The following LHCGR variants were observed in gnomAD, a reference collection of about 807,000 sequenced individuals.
LHCGR encodes the protein luteinizing hormone/choriogonadotropin receptor, also known as lutropin-choriogonadotropic hormone receptor.
LHCGR carries 55 observed loss-of-function variants against 60.7 expected under a neutral mutation model. That is an observed-to-expected ratio of 0.91 (90% CI 0.73 to 1.13). LHCGR has a LOEUF of 1.13. LHCGR is among the 50% of genes most tolerant of loss of function. The pLI, the probability that LHCGR is intolerant of heterozygous loss-of-function variation, is 0.00. For missense variants in LHCGR, 862 were observed against 836.0 expected, an observed-to-expected ratio of 1.03 and a Z score of -0.38; for synonymous variants, 337 against 316.5, an observed-to-expected ratio of 1.06 and a Z score of -0.69.
intron 6 of LHCGR, 42 bp downstream of exon 6, chr2:48,723,414 A>T (rs1386500562): frequency 7.4e-7 from 1 of 1,344,898 alleles, no homozygotes; most frequent in East Asian, 2.3e-5. Context: ...TGAGACTAGC[A>T]GGAGGCTGTA....
intron 8 of LHCGR, among the ~76,000 whole-genome samples, chr2:48,706,549 T>C (rs993778189): frequency 4.6e-5 from 7 of 152,250 alleles, no homozygotes; most frequent in African/African-American, 1.7e-4. Context: ...ATATGGTCTT[T>C]TAACATAGTC....
chr2:48,737,159 A>G lies in LHCGR; in HGVS notation c.162-5861T>C, dbSNP rs146425153. Among the ~76,000 whole-genome samples the G allele has an allele frequency of 4.6e-3, 702 of 152,328 alleles. 4 individuals carry two copies. Among genetic ancestry groups the G allele is most frequent in the African/African-American group, 0.016 (674 of 41,568 alleles). On this transcript the variant is annotated intron_variant, in intron 1 of 10. Transcript: ENST00000294954. ...TTCCTTCTGCCCAACACATGGCAGA[A>G]GTGAAGTGTTTTTATTCACTACCTT...
chr2:48,729,304 G>C (rs1320491087), intron 2 of LHCGR, 77 bp from the exon 3 acceptor site: 9 of 1,114,698 alleles, frequency 8.1e-6, no homozygotes, highest in Non-Finnish European at 1.2e-5. Context: ...TGAGCTATGT[G>C]TGTGACCCAA....
intron 8 of LHCGR, among the ~76,000 whole-genome samples, chr2:48,703,408 CT>C (rs1196378922): frequency 1.3e-5 from 2 of 152,118 alleles, no homozygotes; most frequent in African/African-American, 4.8e-5. Flanking sequence ...GTTTTTAGGT[CT>C]TACATTTAAG....
chr2:48,730,972 G>T (rs1445718989), intron 2 of LHCGR, among the ~76,000 whole-genome samples: 4 of 152,046 alleles, frequency 2.6e-5, no homozygotes, highest in Middle Eastern at 6.8e-3. Flanking sequence ...CTCCTTAAAA[G>T]GTATATCATC....
intron 7 of LHCGR, among the ~76,000 whole-genome samples, chr2:48,711,357 G>T (rs1667981497): frequency 1.3e-5 from 2 of 152,168 alleles, no homozygotes; most frequent in Non-Finnish European, 2.9e-5. Context: ...TAAGGGCAGG[G>T]ACTGTGACCT....
intron 8 of LHCGR, among the ~76,000 whole-genome samples, chr2:48,708,306 G>A (rs1667797679): frequency 1.3e-5 from 2 of 152,146 alleles, no homozygotes; most frequent in Admixed American, 6.5e-5. Context: ...ATTCCCATGA[G>A]TGGATTCCAG....
rs4073368 is a variant in LHCGR at position 48,755,219 on chromosome 2, G to A, written c.161+292C>T. Among the ~76,000 whole-genome samples, 24,313 of 151,518 alleles carry A rather than the reference G, an allele frequency of 0.16. 2,274 individuals are homozygous for A. The highest frequency in any genetic ancestry group is 0.34 in the East Asian group (1,707 of 5,016). On this transcript the variant is annotated intron_variant, in intron 1 of 10. Transcript: ENST00000294954. ...GTCACACCCATATTCCCTTCAAGCAGCGGCAGAGAGCAGGCCTTCCCCTGA... is the reference window on the plus strand; with the variant it reads ...GTCACACCCATATTCCCTTCAAGCAACGGCAGAGAGCAGGCCTTCCCCTGA...
chr2:48,694,891 G>C (rs1667040808), intron 9 of LHCGR, among the ~76,000 whole-genome samples: 1 of 152,112 alleles, frequency 6.6e-6, no homozygotes, highest in South Asian at 2.1e-4. Context: ...GTTCTCACCT[G>C]GGGGAGCACT....
chr2:48,708,387 C>T (rs539079030), intron 8 of LHCGR, among the ~76,000 whole-genome samples: 1 of 152,272 alleles, frequency 6.6e-6, no homozygotes, highest in Non-Finnish European at 1.5e-5. Flanking sequence ...TGAATTGTAT[C>T]CTCCAGCTAA....
At position 48,688,000 on chromosome 2, in the gene LHCGR, G is replaced by C; in HGVS notation, c.1797C>G (p.Ile599Met). 3 of 1,614,166 alleles carry C rather than the reference G, an allele frequency of 1.9e-6. No individual in the cohort carries two copies. Among genetic ancestry groups the C allele is most frequent in the Non-Finnish European group, 2.5e-6 (3 of 1,180,010 alleles). Residue 599 changes from isoleucine to methionine, a missense_variant, in exon 11 of 11, where the codon ATC (isoleucine) becomes ATG (methionine). Transcript: ENST00000294954. ...AISAAFKVPLITVTNSKVLLV... is the reference protein window; with the variant it reads ...AISAAFKVPLMTVTNSKVLLV... ...GTAAAACTTTAGAGTTGGTTACTGT[G>C]ATAAGAGGTACTTTGAAGGCAGCTG...
In LHCGR at chr2:48,688,700, A is replaced by G. The variant is rs994667830; in HGVS notation, c.1097T>C (p.Ile366Thr). 45 of 1,614,074 alleles carry G rather than the reference A, an allele frequency of 2.8e-5. No individual in the cohort carries two copies. Among genetic ancestry groups the G allele is most frequent in the Non-Finnish European group, 3.6e-5 (42 of 1,180,032 alleles). Residue 366 changes from isoleucine to threonine, a missense_variant, in exon 11 of 11, where the codon ATT (isoleucine) becomes ACT (threonine). By Grantham distance (89) the Ile-to-Thr change is moderately conservative. Coordinates refer to ENST00000294954, the MANE Select transcript of LHCGR (RefSeq NM_000233.4). This position sits in a 1 kb window ranked among gnomAD's most constrained non-coding sequence, Gnocchi z 5.2. ...GATGGCTAGAATATTAATCAGCCAA[A>G]TCAGGACCCTAAGGAAGTCATAGCC... ...IMGYDFLRVL[I>T]WLINILAIMG...
chr2:48,694,178 C>G (rs1476181350), intron 10 of LHCGR, 46 bp downstream of exon 10: 2 of 1,127,064 alleles, frequency 1.8e-6, no homozygotes, highest in South Asian at 1.3e-5. Flanking sequence ...AAGGTGCACA[C>G]AGAACAAGAT....
intron 1 of LHCGR, among the ~76,000 whole-genome samples, chr2:48,734,202 C>G (rs892368290): frequency 2.0e-5 from 3 of 152,144 alleles, no homozygotes; most frequent in Admixed American, 1.3e-4. Context: ...TAAAGGCACA[C>G]AGAGTAGCAT....
At chr2:48,741,781 A>G (rs1047078593) in intron 1 of LHCGR, among the ~76,000 whole-genome samples, 1 of 151,900 alleles carries the variant, frequency 6.6e-6, no homozygotes, top group Admixed American at 6.6e-5. Flanking sequence ...AAACTGCATC[A>G]ACTGAGGAGC....
chr2:48,736,999 G>T (rs1669229534), intron 1 of LHCGR, among the ~76,000 whole-genome samples: 1 of 152,174 alleles, frequency 6.6e-6, no homozygotes, highest in Admixed American at 6.5e-5. Flanking sequence ...ATGTTTCCCA[G>T]GGCAGGGAAG....
rs374315825 is a variant in LHCGR at position 48,706,781 on chromosome 2, C to T, written c.680+2167G>A. 4.6e-5 allele frequency among the ~76,000 whole-genome samples: 7 copies of T among 152,150 alleles called. No homozygotes were observed. The East Asian group carries it at 1.4e-3, about 29-fold the overall frequency. On this transcript the variant is annotated intron_variant, in intron 8 of 10. Transcript: ENST00000294954. ...TTTCTACACTGATTTTTCTAGTTAG[C>T]CATTCGCCTAACCTTTTTTCATGGT... is the stretch of plus-strand genomic sequence containing the variant.
rs1325040654 is a variant in LHCGR at position 48,703,689 on chromosome 2, A to G, written c.681-4889T>C. Among the ~76,000 whole-genome samples, 3 of 152,186 alleles carry G rather than the reference A, an allele frequency of 2.0e-5. No homozygotes were observed. The East Asian group carries it at 5.8e-4, about 29-fold the overall frequency. On this transcript the variant is annotated intron_variant, in intron 8 of 10. Transcript: ENST00000294954. ...TCACTCATGATTTGGCTCTCCGTTA[A>G]TTTCTTATTGGTGAATAGGAATGCT...
chr2:48,732,755 G>T (rs1669052923), intron 1 of LHCGR: 1 of 462,956 alleles, frequency 2.2e-6, no homozygotes, highest in Non-Finnish European at 4.4e-6. Flanking sequence ...CTGCAAAGCG[G>T]TTTACCAGCC....
Sources: allele counts gnomAD v4.1 joint callset (sites outside exome capture counted in the v4.1 genomes callset), GRCh38; gene constraint gnomAD v4.1.1; non-coding constraint Gnocchi (gnomAD v3.1); transcripts MANE v1.5; gene names NCBI Gene and HGNC (gene_info 2026-07-23, HGNC 2026-07-21).